ARHGEF18: variants seen among roughly 807,000 people sequenced by gnomAD.
The protein encoded by ARHGEF18 is rho guanine nucleotide exchange factor 18.
In ARHGEF18, 93 loss-of-function variants were observed where a neutral mutation model predicts 155.7. The ratio of observed to expected loss-of-function variants is 0.60; its 90% CI spans 0.50 to 0.71. The LOEUF is 0.71. Ranked by LOEUF, ARHGEF18 falls within the 30% of genes least tolerant of loss-of-function variation. The pLI, the probability that ARHGEF18 is intolerant of heterozygous loss-of-function variation, is 0.00. For synonymous variants in ARHGEF18, 742 were observed against 753.1 expected (o/e 0.99, Z 0.24); for missense variants, 1,593 against 1,816.1 (o/e 0.88, Z 2.23).
chr19:7,467,575 G>A lies in ARHGEF18; in HGVS notation c.3371G>A (p.Arg1124His). ...TACCAGCACGACCTGGAGCGGCTGC[G>A]CGAGGCCCAGCGTGCCGTGGAGCGC... Reference protein sequence around the residue: ...QAYQHDLERLREAQRAVERER... With the variant: ...QAYQHDLERLHEAQRAVERER... Residue 1124 changes from arginine (R) to histidine (H), a missense_variant, in exon 26 of 29, where the codon CGC (arginine) becomes CAC (histidine). Transcript: ENST00000668164. 5 of 1,499,022 alleles carry A rather than the reference G, an allele frequency of 3.3e-6. No individual in the cohort carries two copies. Among genetic ancestry groups the A allele is most frequent in the Non-Finnish European group, 4.4e-6 (5 of 1,132,394 alleles). The allele number at this position is 1,499,022 out of a possible 1,614,324, so 92.9% of individuals were successfully genotyped here.
chr19:7,354,265 T>A (rs1969228297), intron 1 of ARHGEF18, among the ~76,000 whole-genome samples: 1 of 152,160 alleles, frequency 6.6e-6, no homozygotes, highest in Non-Finnish European at 1.5e-5. Flanking sequence ...TGCAGTGAGC[T>A]ATAGATCATA....
rs1277925668 is a variant in ARHGEF18, at chr19:7,441,931, G to A, written c.1239G>A (p.Leu413=). The A allele has an allele frequency of 1.2e-6, 2 of 1,613,990 alleles. No individual in the cohort carries two copies. Among genetic ancestry groups the A allele is most frequent in the African/African-American group, 1.3e-5 (1 of 74,936 alleles). The change falls in exon 13 of 29, where the codon CTG becomes CTA. Residue 413 remains leucine (L), a synonymous_variant. Transcript: ENST00000668164. ...IFVEDPYTAS[L]RSEIESDGHE... is the part of the protein sequence containing the mutation. Reference sequence around the variant, plus strand: ...CCTCAGATCCCTACACCGCCTCGCTGAGGAGTGAGATTGAGTCAGACGGCC... The same window carrying A: ...CCTCAGATCCCTACACCGCCTCGCTAAGGAGTGAGATTGAGTCAGACGGCC...
chr19:7,446,535 G>A (rs1975001632), intron 14 of ARHGEF18, among the ~76,000 whole-genome samples: 1 of 152,098 alleles, frequency 6.6e-6, no homozygotes, highest in Non-Finnish European at 1.5e-5. Flanking sequence ...GAGGTCAAGA[G>A]TTCGAGACCA....
At position 7,428,571 on chromosome 19, in the gene ARHGEF18, C is replaced by T. The variant is rs548130975; in HGVS notation, c.968-11773C>T. Among the ~76,000 whole-genome samples the T allele has an allele frequency of 2.6e-4, 40 of 152,116 alleles. No individual in the cohort carries two copies. In the East Asian group the frequency reaches 7.4e-3, roughly 28 times the overall value. The stretch of plus-strand genomic sequence containing the variant: ...TAAAATCCCACCAAAGATAATGGCC[C>T]TGAAGGTGGCTGTTGTCTTTAATGG... On this transcript the variant is annotated intron_variant, in intron 10 of 28. Coordinates refer to ENST00000668164, the MANE Select transcript of ARHGEF18 (RefSeq NM_001367823.1).
chr19:7,352,354 T>G (rs903346846), intron 1 of ARHGEF18, among the ~76,000 whole-genome samples: 3 of 151,702 alleles, frequency 2.0e-5, no homozygotes, highest in African/African-American at 7.3e-5. Context: ...TCACCTCCTC[T>G]TTTTGGGCCC....
chr19:7,428,504 C>T (rs1006574336), intron 10 of ARHGEF18, among the ~76,000 whole-genome samples: 1 of 152,104 alleles, frequency 6.6e-6, no homozygotes, highest in Non-Finnish European at 1.5e-5. Context: ...GTGATCTTCC[C>T]ACCTTGGCCT....
chr19:7,454,097 T>C (rs1975679924), intron 17 of ARHGEF18, among the ~76,000 whole-genome samples: 1 of 149,558 alleles, frequency 6.7e-6, no homozygotes, highest in Non-Finnish European at 1.5e-5. Flanking sequence ...CATATGGGAT[T>C]AGCAGCACCA....
chr19:7,398,685 T>C (rs1971859484), intron 10 of ARHGEF18, among the ~76,000 whole-genome samples: 1 of 143,714 alleles, frequency 7.0e-6, no homozygotes, highest in Non-Finnish European at 1.5e-5. Context: ...AGCTAGACTC[T>C]GTCTCAAAAA....
chr19:7,411,805 G>A (rs1046653931), intron 10 of ARHGEF18, among the ~76,000 whole-genome samples: 3 of 151,916 alleles, frequency 2.0e-5, no homozygotes, highest in African/African-American at 7.3e-5. Flanking sequence ...TCTACTTCCT[G>A]TCTCTATGAA....
chr19:7,384,222 A>ATATT (rs1292841946), intron 10 of ARHGEF18, among the ~76,000 whole-genome samples: 1 of 152,102 alleles, frequency 6.6e-6, no homozygotes, highest in Non-Finnish European at 1.5e-5. Context: ...GCATTGTAGG[A>ATATT]TATTTAGTAG....
chr19:7,457,810 G>C lies in ARHGEF18; in HGVS notation c.2182-702G>C, dbSNP rs114623654. On this transcript the variant is annotated intron_variant, in intron 18 of 28. Transcript: ENST00000668164. ...CATTTTGCTGGTCTGTGGAAGCATT[G>C]TCTCTTGAAGGATGCGTGACAGACT... Among the ~76,000 whole-genome samples, 773 of 152,218 alleles carry C rather than the reference G, an allele frequency of 5.1e-3. 9 individuals carry two copies. Among genetic ancestry groups the C allele is most frequent in the African/African-American group, 0.018 (753 of 41,524 alleles).
intron 1 of ARHGEF18, among the ~76,000 whole-genome samples, chr19:7,358,463 T>G (rs1356685781): frequency 1.3e-5 from 2 of 151,504 alleles, no homozygotes; most frequent in Non-Finnish European, 2.9e-5. Flanking sequence ...CATCTACCTA[T>G]CCAACCATTC....
chr19:7,433,197 T>TGGCTCAC lies in ARHGEF18; in HGVS notation c.968-7146_968-7140dup, dbSNP rs557344603. ...AAAAAAGAAGGCAGGCCGGGCACGG[T>TGGCTCAC]GGCTCACACCTGTAATCCCAGCACT... On this transcript the variant is annotated intron_variant, in intron 10 of 28. Coordinates refer to ENST00000668164, the MANE Select transcript of ARHGEF18 (RefSeq NM_001367823.1). 4.7e-3 allele frequency among the ~76,000 whole-genome samples: 706 copies of TGGCTCAC among 149,214 alleles called. 4 individuals are homozygous for TGGCTCAC. The highest frequency in any genetic ancestry group is 7.7e-3 in the Non-Finnish European group (522 of 67,504).
chr19:7,427,081 A>G (rs1490510591), intron 10 of ARHGEF18, among the ~76,000 whole-genome samples: 2 of 151,786 alleles, frequency 1.3e-5, no homozygotes, highest in African/African-American at 4.8e-5. Flanking sequence ...AAAACCCAGA[A>G]CCCCCACTGC....
chr19:7,419,991 T>TCGGCCC (rs1973256853), intron 10 of ARHGEF18, among the ~76,000 whole-genome samples: 1 of 142,804 alleles, frequency 7.0e-6, no homozygotes, highest in Non-Finnish European at 1.5e-5. Flanking sequence ...ACACTCGGCC[T>TCGGCCC]CCACACCCAC....
chr19:7,437,062 T>G (rs1974306116), intron 10 of ARHGEF18, among the ~76,000 whole-genome samples: 1 of 152,176 alleles, frequency 6.6e-6, no homozygotes, highest in South Asian at 2.1e-4. Flanking sequence ...AATTCTTGAC[T>G]CCTCTGCCAG....
At chr19:7,411,953 C>T (rs185829086) in intron 10 of ARHGEF18, among the ~76,000 whole-genome samples, 29 of 152,304 alleles carry the variant, frequency 1.9e-4, no homozygotes, top group Non-Finnish European at 3.5e-4. Context: ...AATAATATTA[C>T]AGTGTGCGTG....
At chr19:7,398,938 A>G (rs1378363529) in intron 10 of ARHGEF18, among the ~76,000 whole-genome samples, 1 of 152,184 alleles carries the variant, frequency 6.6e-6, no homozygotes, top group Non-Finnish European at 1.5e-5. Flanking sequence ...TACCTAGCAC[A>G]TGTTTAACAT....
chr19:7,467,421 G>A lies in ARHGEF18; in HGVS notation c.3217G>A (p.Glu1073Lys), dbSNP rs555008215. Residue 1073 changes from glutamate (E) to lysine (K), a missense_variant, in exon 26 of 29, where the codon GAG becomes AAG. Coordinates refer to ENST00000668164, the MANE Select transcript of ARHGEF18 (RefSeq NM_001367823.1). ...LRHEQQRWER[E>K]RQWQHQELER... ...GCACGAGCAGCAGCGCTGGGAGCGC[G>A]AGCGCCAGTGGCAGCACCAGGAGCT... The A allele has an allele frequency of 4.9e-4, 751 of 1,531,836 alleles. 4 individuals carry two copies. The African/African-American group carries it at 9.4e-3, about 19-fold the overall frequency. The allele number at this position is 1,531,836 out of a possible 1,614,324, so 94.9% of individuals were successfully genotyped here.
Sources: allele counts gnomAD v4.1 joint callset (sites outside exome capture counted in the v4.1 genomes callset), GRCh38; gene constraint gnomAD v4.1.1; transcripts MANE v1.5; gene names NCBI Gene and HGNC (gene_info 2026-07-23, HGNC 2026-07-21).